DCC: variants seen among roughly 807,000 people sequenced by gnomAD.
DCC encodes DCC netrin 1 receptor, also known as netrin receptor DCC.
A neutral mutation model predicts 172.5 loss-of-function variants in DCC; 58 were observed. The observed-to-expected ratio is 0.34, with a 90% CI of 0.27 to 0.42. The LOEUF (loss-of-function observed/expected upper bound fraction) is 0.42, where lower values mean the gene tolerates loss of function less well. Ranked by LOEUF, DCC falls within the 10% of genes least tolerant of loss-of-function variation. The pLI is 1.00. For synonymous variants in DCC, 709 were observed against 644.5 expected (o/e 1.10, Z -1.52); for missense variants, 1,740 against 1,791.0 (o/e 0.97, Z 0.51).
At chr18:52,995,798 T>C (rs1040324013) in intron 5 of DCC, among the ~76,000 whole-genome samples, 1 of 151,990 alleles carries the variant, frequency 6.6e-6, no homozygotes, top group African/African-American at 2.4e-5. Flanking sequence ...CTTCAGTAAG[T>C]ATCAGTTAGC....
At chr18:53,484,463 T>C (rs1319273635) in intron 25 of DCC, among the ~76,000 whole-genome samples, 1 of 151,996 alleles carries the variant, frequency 6.6e-6, no homozygotes, top group Non-Finnish European at 1.5e-5. Flanking sequence ...TTATTTTTGA[T>C]TTTGAAGCCA....
chr18:53,266,395 A>T (rs1249653965), intron 12 of DCC, among the ~76,000 whole-genome samples: 3 of 152,086 alleles, frequency 2.0e-5, no homozygotes, highest in East Asian at 3.9e-4. Flanking sequence ...TTGTTTTATG[A>T]TTTTTGTTAT....
chr18:52,847,614 T>A (rs1314559008), intron 2 of DCC, among the ~76,000 whole-genome samples: 1 of 152,166 alleles, frequency 6.6e-6, no homozygotes, highest in Non-Finnish European at 1.5e-5. Context: ...TGTAACCACG[T>A]TCCCTCCCTC....
intron 5 of DCC, among the ~76,000 whole-genome samples, chr18:52,964,790 G>A (rs147437693): frequency 0.013 from 2,051 of 152,244 alleles, 61 homozygotes; most frequent in African/African-American, 0.047. Context: ...GCCAGAAGTT[G>A]GAAATCAGTT....
intron 1 of DCC, among the ~76,000 whole-genome samples, chr18:52,386,517 G>A (rs892708836): frequency 4.4e-4 from 67 of 151,908 alleles, no homozygotes; most frequent in African/African-American, 1.6e-3. Context: ...CCTTTTGTGA[G>A]CATAATGAGT....
At chr18:52,736,328 C>T (rs2036728846) in intron 1 of DCC, among the ~76,000 whole-genome samples, 1 of 150,000 alleles carries the variant, frequency 6.7e-6, no homozygotes, top group Admixed American at 6.7e-5. Context: ...TAAGCTACAA[C>T]ACAAACCCTC....
intron 12 of DCC, among the ~76,000 whole-genome samples, chr18:53,244,949 T>TA: frequency 6.6e-6 from 1 of 152,166 alleles, no homozygotes; most frequent in Non-Finnish European, 1.5e-5. Flanking sequence ...TTTAAATGAT[T>TA]AAACATTTTA....
intron 1 of DCC, among the ~76,000 whole-genome samples, chr18:52,628,582 T>C (rs2034616455): frequency 6.6e-6 from 1 of 152,206 alleles, no homozygotes; most frequent in Non-Finnish European, 1.5e-5. Flanking sequence ...TTATAGGCAG[T>C]GAATGTGGCT....
At chr18:53,017,058 G>GT (rs58766349) in intron 5 of DCC, among the ~76,000 whole-genome samples, 65,745 of 143,404 alleles carry the variant, frequency 0.46, 15,909 homozygotes, top group Non-Finnish European at 0.56. Flanking sequence ...ATCATGGTAT[G>GT]TTTTTTTTTT....
intron 25 of DCC, among the ~76,000 whole-genome samples, chr18:53,479,083 A>T (rs1486161349): frequency 2.6e-5 from 4 of 152,194 alleles, no homozygotes; most frequent in Non-Finnish European, 5.9e-5. Context: ...GAGTGCATAG[A>T]GCCGTTCTAG....
At chr18:52,779,041 A>T (rs2037485101) in intron 2 of DCC, among the ~76,000 whole-genome samples, 3 of 151,986 alleles carry the variant, frequency 2.0e-5, no homozygotes, top group Admixed American at 2.0e-4. Context: ...TGCCTAGCAT[A>T]AATCAAATGT....
chr18:52,662,958 T>C (rs1023944404), intron 1 of DCC, among the ~76,000 whole-genome samples: 1 of 152,030 alleles, frequency 6.6e-6, no homozygotes, highest in Non-Finnish European at 1.5e-5. Flanking sequence ...ACCCAATCGC[T>C]CCCTAAACAC....
intron 1 of DCC, among the ~76,000 whole-genome samples, chr18:52,407,626 T>C (rs1261315409): frequency 1.3e-5 from 2 of 152,086 alleles, no homozygotes; most frequent in African/African-American, 4.8e-5. Flanking sequence ...AAACTCCTTT[T>C]CTTCTGGTGT....
At chr18:52,402,928 A>G (rs1477285637) in intron 1 of DCC, among the ~76,000 whole-genome samples, 1 of 152,064 alleles carries the variant, frequency 6.6e-6, no homozygotes, top group Non-Finnish European at 1.5e-5. Flanking sequence ...TTATTAAAAC[A>G]GTACAGTCAG....
chr18:52,784,105 C>G (rs76796891), intron 2 of DCC, among the ~76,000 whole-genome samples: 1 of 151,990 alleles, frequency 6.6e-6, no homozygotes, highest in Admixed American at 6.6e-5. Context: ...CCTAGACTCT[C>G]GTAACTGTCA....
intron 1 of DCC, among the ~76,000 whole-genome samples, chr18:52,588,171 T>C (rs1421974276): frequency 6.6e-6 from 1 of 152,186 alleles, no homozygotes; most frequent in Admixed American, 6.5e-5. Flanking sequence ...CTGCAGAAGA[T>C]GGAAGGTCCT....
chr18:53,073,175 A>C (rs2042678231), intron 7 of DCC, among the ~76,000 whole-genome samples: 1 of 152,082 alleles, frequency 6.6e-6, no homozygotes, highest in South Asian at 2.1e-4. Context: ...AAAAGAGATA[A>C]ATTTCCCACT....
At chr18:52,541,084 A>AC (rs1416325877) in intron 1 of DCC, among the ~76,000 whole-genome samples, 1 of 152,282 alleles carries the variant, frequency 6.6e-6, no homozygotes, top group East Asian at 1.9e-4. Flanking sequence ...GCTAAGTAAA[A>AC]CAGGTGACTG....
intron 7 of DCC, among the ~76,000 whole-genome samples, chr18:53,109,713 T>G (rs961630633): frequency 4.0e-5 from 6 of 151,600 alleles, no homozygotes; most frequent in African/African-American, 1.5e-4. Flanking sequence ...TTGACTGTCA[T>G]TAACTGAGAA....
Sources: allele counts gnomAD v4.1 joint callset (sites outside exome capture counted in the v4.1 genomes callset), GRCh38; gene constraint gnomAD v4.1.1; transcripts MANE v1.5; gene names NCBI Gene and HGNC (gene_info 2026-07-23, HGNC 2026-07-21).